Variants in IFT52 observed in about 807,000 individuals in gnomAD.
IFT52 encodes intraflagellar transport protein 52 homolog.
In IFT52, 44 loss-of-function variants were observed where a neutral mutation model predicts 54.4. The ratio of observed to expected loss-of-function variants is 0.81; its 90% CI spans 0.63 to 1.04. IFT52 has a LOEUF of 1.04. IFT52 is among the 50% of genes least tolerant of loss of function. IFT52 has a pLI of 0.00. For missense variants in IFT52, 452 were observed against 523.6 expected, an observed-to-expected ratio of 0.86 and a Z score of 1.33; for synonymous variants, 181 against 185.3, an observed-to-expected ratio of 0.98 and a Z score of 0.19.
chr20:43,620,820 C>T, intron 8 of IFT52, 37 bp from the exon 9 acceptor site: 1 of 1,457,938 alleles, frequency 6.9e-7, no homozygotes, highest in Non-Finnish European at 9.5e-7. Context: ...TTCAAATAAC[C>T]AACTGTCCTA....
chr20:43,604,399 A>G (rs1460344039), intron 5 of IFT52, 141 bp downstream of exon 5: 1 of 566,074 alleles, frequency 1.8e-6, no homozygotes, highest in Admixed American at 3.3e-5. Flanking sequence ...GTGAAACCCC[A>G]TCTCCCTGTC....
At position 43,623,973 on chromosome 20, in the gene IFT52, C is replaced by T. The variant is rs755302225; in HGVS notation, c.851C>T (p.Pro284Leu). ...TGTCTCCAGGAGAGTGATGAGATCC[C>T]AAGGGACTTTACCACCCTCTTCGAC... is the stretch of plus-strand genomic sequence containing the variant. ...RECLQESDEI[P>L]RDFTTLFDLS... The change falls in exon 10 of 14, where the codon CCA becomes CTA. Residue 284 changes from proline to leucine, a missense_variant. Coordinates refer to ENST00000373030, the MANE Select transcript of IFT52 (RefSeq NM_016004.5). The T allele has an allele frequency of 1.2e-6, 2 of 1,613,974 alleles. No individual in the cohort carries two copies. Among genetic ancestry groups the T allele is most frequent in the Non-Finnish European group, 1.7e-6 (2 of 1,180,010 alleles).
intron 10 of IFT52, among the ~76,000 whole-genome samples, chr20:43,631,463 C>G (rs1985165975): frequency 6.6e-6 from 1 of 152,160 alleles, no homozygotes; most frequent in African/African-American, 2.4e-5. Context: ...TAGAAAAAAG[C>G]TGCCATGATC....
At chr20:43,592,904 G>A (rs937864938) in intron 1 of IFT52, among the ~76,000 whole-genome samples, 8 of 152,170 alleles carry the variant, frequency 5.3e-5, no homozygotes, top group African/African-American at 1.7e-4. Context: ...GAGGTCAGGA[G>A]TTCAAGGGCA....
Position 43,613,966 on chromosome 20 carries a change from A to G in IFT52, c.602A>G (p.Tyr201Cys), listed in dbSNP as rs143476502. ...CTTAACAGACCCATTTTGGCTTTCT[A>G]TCACTCAAAGGTACAGCTTTTCTTA... is the stretch of plus-strand genomic sequence containing the variant. The part of the protein sequence containing the change: ...FPLNRPILAF[Y>C]HSKNQGGKLA... The change falls in exon 7 of 14, where the codon TAT (tyrosine) becomes TGT (cysteine). Residue 201 changes from tyrosine to cysteine, a missense_variant. Physicochemically the swap from Tyr to Cys is radical, Grantham distance 194 (BLOSUM62 -2). Transcript: ENST00000373030. 2.7e-4 allele frequency: 434 copies of G among 1,613,730 alleles called. 1 individual carries two copies. The African/African-American group carries it at 5.0e-3, about 19-fold the overall frequency.
At chr20:43,614,356 T>C (rs1214796549) in intron 7 of IFT52, among the ~76,000 whole-genome samples, 1 of 151,602 alleles carries the variant, frequency 6.6e-6, no homozygotes, top group Non-Finnish European at 1.5e-5. Context: ...TGCCTCAGCC[T>C]CCCGAGTAGC....
chr20:43,629,359 G>A (rs572454121), intron 10 of IFT52, among the ~76,000 whole-genome samples: 1,009 of 15,544 alleles, frequency 0.065, 11 homozygotes, highest in African/African-American at 0.11. Flanking sequence ...TGCAAGCTCC[G>A]CCTCCCGGGT....
chr20:43,606,224 A>C (rs2145603737), intron 6 of IFT52, among the ~76,000 whole-genome samples: 1 of 152,196 alleles, frequency 6.6e-6, no homozygotes, highest in Non-Finnish European at 1.5e-5. Context: ...TCGTCTAAAA[A>C]AAAAAAAATT....
intron 3 of IFT52, among the ~76,000 whole-genome samples, chr20:43,597,825 C>T (rs7271972): frequency 3.7e-5 from 5 of 133,502 alleles, no homozygotes; most frequent in South Asian, 2.6e-4. Flanking sequence ...ACCTGGGAGG[C>T]GGAGTTGCAG....
chr20:43,602,905 T>C (rs1445720927), intron 3 of IFT52, among the ~76,000 whole-genome samples: 1 of 152,166 alleles, frequency 6.6e-6, no homozygotes, highest in Non-Finnish European at 1.5e-5. Flanking sequence ...ATGTGATGAA[T>C]CAGTGGGGTG....
At chr20:43,646,645 A>G (rs1265111422) in intron 13 of IFT52, among the ~76,000 whole-genome samples, 1 of 152,142 alleles carries the variant, frequency 6.6e-6, no homozygotes, top group Non-Finnish European at 1.5e-5. Context: ...GCATGCTAGG[A>G]CAGACACCCG....
intron 12 of IFT52, among the ~76,000 whole-genome samples, chr20:43,641,540 C>T (rs1367380525): frequency 6.6e-6 from 1 of 151,252 alleles, no homozygotes; most frequent in Non-Finnish European, 1.5e-5. Context: ...GTCCCCCAGG[C>T]TGGAGTGCAA....
At chr20:43,593,695 G>A (rs1163642892) in intron 1 of IFT52, among the ~76,000 whole-genome samples, 3 of 151,988 alleles carry the variant, frequency 2.0e-5, no homozygotes, top group South Asian at 2.1e-4. Flanking sequence ...TCAGCCTCCC[G>A]AATAGCTGGG....
At chr20:43,597,001 A>G (rs1982019883) in intron 3 of IFT52, among the ~76,000 whole-genome samples, 2 of 151,316 alleles carry the variant, frequency 1.3e-5, no homozygotes, top group Admixed American at 6.6e-5. Flanking sequence ...TCAGCCTCCC[A>G]AAGTGCTGGG....
In IFT52 at chr20:43,642,520, G is replaced by A. The variant is rs1985982850; in HGVS notation, c.1162G>A (p.Asp388Asn). Residue 388 changes from aspartate (D) to asparagine (N), a missense_variant, in exon 13 of 14, where the codon GAT becomes AAT. By Grantham distance (23) the Asp-to-Asn change is conservative. Coordinates refer to ENST00000373030, the MANE Select transcript of IFT52 (RefSeq NM_016004.5). ...DLEFYVRKCG[D>N]ILGVTSKLPK... ...GGAATTTTATGTCAGGAAGTGTGGT[G>A]ATATTCTTGGAGTAACCAGTAAACT... The A allele has an allele frequency of 1.9e-6, 3 of 1,613,968 alleles. No individual in the cohort carries two copies. Among genetic ancestry groups the A allele is most frequent in the Non-Finnish European group, 8.5e-7 (1 of 1,179,958 alleles).
At chr20:43,605,440 G>A (rs1346681452) in intron 6 of IFT52, among the ~76,000 whole-genome samples, 2 of 152,164 alleles carry the variant, frequency 1.3e-5, no homozygotes, top group African/African-American at 4.8e-5. Context: ...CCAGCTACTC[G>A]GGAGGCTGAG....
Position 43,614,120 on chromosome 20 carries a change from AT to A in IFT52, c.612+148del, listed in dbSNP as rs1348091007. On this transcript the variant is annotated intron_variant, in intron 7 of 13. Coordinates refer to ENST00000373030, the MANE Select transcript of IFT52 (RefSeq NM_016004.5). ...GCAAAGTAGCATTTCAGCTATATAC[AT>A]TTTGCTTATGGGGAAACAGTGGATT... 16 of 705,988 alleles carry A rather than the reference AT, an allele frequency of 2.3e-5. No homozygotes were observed. In the Admixed American group the frequency reaches 2.9e-4, roughly 13 times the overall value. The allele number at this position is 705,988 out of a possible 1,614,324, so 43.7% of individuals were successfully genotyped here. A position where few individuals can be genotyped will look rare whatever the true frequency, so the allele number is the denominator to read the frequency against.
chr20:43,605,227 G>T, intron 6 of IFT52, 154 bp downstream of exon 6: 1 of 1,432,360 alleles, frequency 7.0e-7, no homozygotes, highest in Non-Finnish European at 9.1e-7. Context: ...GTAAGTCCAT[G>T]CTCCTCCCCC....
chr20:43,627,168 GAA>G (rs955747034), intron 10 of IFT52, among the ~76,000 whole-genome samples: 1 of 141,280 alleles, frequency 7.1e-6, no homozygotes, highest in East Asian at 2.0e-4. Context: ...CTCCATCTCA[GAA>G]AAAAAAAAAA....
Sources: gnomAD v4.1 joint callset for allele counts (sites outside exome capture counted in the v4.1 genomes callset) on GRCh38, gnomAD v4.1.1 for gene constraint, MANE v1.5 for transcripts, NCBI Gene and HGNC (gene_info 2026-07-23, HGNC 2026-07-21) for gene names.